The following UGT2A1 variants were observed in gnomAD, a reference collection of about 807,000 sequenced individuals.
UGT2A1 encodes UDP glucuronosyltransferase family 2 member A1 complex locus.
In UGT2A1, 61 loss-of-function variants were observed where a neutral mutation model predicts 45.4. That is an observed-to-expected ratio of 1.34 (90% CI 1.09 to 1.66). The LOEUF (loss-of-function observed/expected upper bound fraction) is 1.66. Among genes scored for constraint, UGT2A1 ranks in the 40% most tolerant of loss-of-function variants. The pLI is 0.00. For synonymous variants in UGT2A1, 229 were observed against 196.2 expected (o/e 1.17, Z -1.40); for missense variants, 649 against 574.3 (o/e 1.13, Z -1.33).
At chr4:69,647,797 T>G in intron 1 of UGT2A1, 99 bp from the exon 2 acceptor site, 1 of 510,492 alleles carries the variant, frequency 2.0e-6, no homozygotes, top group Middle Eastern at 4.3e-4. Flanking sequence ...ATACTAGTCA[T>G]AGTAGCTCCA....
intron 1 of UGT2A1, among the ~76,000 whole-genome samples, chr4:69,648,524 T>C (rs971267573): frequency 3.3e-5 from 5 of 152,076 alleles, no homozygotes; most frequent in East Asian, 3.9e-4. Context: ...GTCCTTGTTA[T>C]GTCAGACATT....
At chr4:69,595,016 C>T (rs998864929) in intron 5 of UGT2A1, 146 bp downstream of exon 5, 2 of 1,179,208 alleles carry the variant, frequency 1.7e-6, no homozygotes, top group Non-Finnish European at 1.2e-6. Flanking sequence ...AAATTAATGG[C>T]CAATTATGTA....
intron 3 of UGT2A1, among the ~76,000 whole-genome samples, chr4:69,613,988 G>A (rs913253215): frequency 5.3e-5 from 8 of 151,994 alleles, no homozygotes; most frequent in African/African-American, 1.2e-4. Flanking sequence ...GCAATTAGAC[G>A]AGTGAAAGAA....
At chr4:69,618,473 T>C (rs550786512) in intron 3 of UGT2A1, among the ~76,000 whole-genome samples, 1 of 152,020 alleles carries the variant, frequency 6.6e-6, no homozygotes, top group East Asian at 1.9e-4. Context: ...ACTTTGTTTA[T>C]TGAAAGGGTC....
rs1406970894 is a variant in UGT2A1, at chr4:69,647,127, A to C, written c.518T>G (p.Phe173Cys). The C allele has an allele frequency of 1.2e-6, 2 of 1,612,808 alleles. No individual in the cohort carries two copies. Among genetic ancestry groups the C allele is most frequent in the African/African-American group, 2.7e-5 (2 of 74,834 alleles). The change falls in exon 2 of 7, where the codon TTT becomes TGT. Residue 173 changes from phenylalanine to cysteine, a missense_variant. Phe to Cys is a radical substitution (Grantham distance 205, BLOSUM62 -2). Coordinates refer to ENST00000286604, the MANE Select transcript of UGT2A1 (RefSeq NM_001252275.3). ...CTTTTCCACTGTTGAGGCTGGAGAA[A>C]ACCTCAAGGAGTACATAAATGGAAT... Reference protein sequence around the residue: ...LGIPFMYSLRFSPASTVEKHC... With the variant: ...LGIPFMYSLRCSPASTVEKHC...
At position 69,639,663 on chromosome 4, in the gene UGT2A1, G is replaced by GA. The variant is rs751185474; in HGVS notation, c.716-3842dup. 162 of 1,504,456 alleles carry GA rather than the reference G, an allele frequency of 1.1e-4. 2 individuals carry two copies. Among genetic ancestry groups the GA allele is most frequent in the Admixed American group, 4.1e-4 (17 of 41,410 alleles). The allele number at this position is 1,504,456 out of a possible 1,614,324, so 93.2% of individuals were successfully genotyped here. On this transcript the variant is annotated intron_variant, in intron 2 of 6. Transcript: ENST00000286604. ...CATCCTACTGTAGATCCTTCAAGATGAAAAAAAAATCTTCAAAGTATATTT... is the reference window on the plus strand; with the variant it reads ...CATCCTACTGTAGATCCTTCAAGATGAAAAAAAAAATCTTCAAAGTATATTT...
At chr4:69,634,162 G>C (rs1037610047) in intron 3 of UGT2A1, among the ~76,000 whole-genome samples, 1 of 151,812 alleles carries the variant, frequency 6.6e-6, no homozygotes, top group Admixed American at 6.6e-5. Flanking sequence ...GGAGAATGGC[G>C]TGAACCCGGG....
chr4:69,652,019 C>T (rs1329660731), intron 1 of UGT2A1, among the ~76,000 whole-genome samples: 1 of 152,126 alleles, frequency 6.6e-6, no homozygotes, highest in Admixed American at 6.6e-5. Context: ...CCTTTCTTTC[C>T]TGTTCTAAAG....
At chr4:69,618,221 T>TGTG (rs1720530663) in intron 3 of UGT2A1, among the ~76,000 whole-genome samples, 4 of 144,632 alleles carry the variant, frequency 2.8e-5, no homozygotes, top group South Asian at 2.2e-4. Flanking sequence ...GTGTGTATGT[T>TGTG]TGTGTGTGTG....
intron 6 of UGT2A1, among the ~76,000 whole-genome samples, chr4:69,591,894 T>C (rs964741752): frequency 2.6e-5 from 4 of 152,206 alleles, no homozygotes; most frequent in African/African-American, 9.6e-5. Flanking sequence ...AAGATCATAC[T>C]GAGCCTTGCT....
intron 3 of UGT2A1, among the ~76,000 whole-genome samples, chr4:69,631,704 A>T (rs1181234264): frequency 6.6e-6 from 1 of 152,166 alleles, no homozygotes; most frequent in Non-Finnish European, 1.5e-5. Flanking sequence ...CCCAGCTGAC[A>T]ACCTGAAAAA....
In UGT2A1 at chr4:69,606,702, C is replaced by T; in HGVS notation, c.848-7308G>A. Among the ~76,000 whole-genome samples the T allele has an allele frequency of 1.5e-5, 2 of 136,824 alleles. 1 individual carries two copies. The highest frequency in any genetic ancestry group is 3.1e-5 in the Non-Finnish European group (2 of 64,328). The allele number at this position is 136,824 out of a possible 152,430, so 89.8% of individuals were successfully genotyped here. ...CGTCTCAGCCCAAAATCTCCTTAAG[C>T]TGATAAGCAACTTCAGCAAAGTCTC... On this transcript the variant is annotated intron_variant, in intron 3 of 6. Transcript: ENST00000286604.
At chr4:69,599,182 C>T in intron 4 of UGT2A1, 64 bp downstream of exon 4, 1 of 1,512,958 alleles carries the variant, frequency 6.6e-7, no homozygotes, top group South Asian at 1.3e-5. Context: ...AGGCTATAAA[C>T]TTTAAAAGAA....
chr4:69,631,031 C>T (rs921242908), intron 3 of UGT2A1, among the ~76,000 whole-genome samples: 4 of 152,044 alleles, frequency 2.6e-5, no homozygotes, highest in Non-Finnish European at 2.9e-5. Context: ...ATGAAATCAT[C>T]GACATAAGCT....
rs1458382070 is a variant in UGT2A1 at position 69,588,963 on chromosome 4, G to A, written c.*409C>T. On this transcript the variant is annotated 3_prime_UTR_variant, in exon 7 of 7. Coordinates refer to ENST00000286604, the MANE Select transcript of UGT2A1 (RefSeq NM_001252275.3). ...ATTTGTTTGGTATATGGAAATTTGT[G>A]AATTTGACTCTTCCTTACACCTATC... is the stretch of plus-strand genomic sequence containing the variant. The A allele has an allele frequency of 6.5e-6, 1 of 154,328 alleles. No homozygotes were observed. The highest frequency in any genetic ancestry group is 1.9e-4 in the East Asian group (1 of 5,234). 9.6% of individuals were successfully genotyped at this position (154,328 alleles called of 1,614,324 possible). A position where few individuals can be genotyped will look rare whatever the true frequency, so the allele number is the denominator to read the frequency against.
In UGT2A1 at chr4:69,647,153, T is replaced by C. The variant is rs1315694077; in HGVS notation, c.492A>G (p.Gly164=). 4.3e-6 allele frequency: 7 copies of C among 1,612,902 alleles called. No homozygotes were observed. Among genetic ancestry groups the C allele is most frequent in the Middle Eastern group, 3.3e-4 (2 of 6,076 alleles). The change falls in exon 2 of 7, where the codon GGA becomes GGG. Residue 164 remains glycine, a synonymous_variant. Transcript: ENST00000286604. ...ACCTCAAGGAGTACATAAATGGAAT[T>C]CCAAGTTTTAAAGCTACTATATCGC... ...PCGDIVALKL[G]IPFMYSLRFS... is the part of the protein sequence containing the mutation.
At chr4:69,634,802 A>G (rs983600984) in intron 3 of UGT2A1, among the ~76,000 whole-genome samples, 25 of 152,332 alleles carry the variant, frequency 1.6e-4, no homozygotes, top group Non-Finnish European at 2.9e-4. Context: ...AGCCTACAGC[A>G]AACATCACCC....
chr4:69,639,518 A>T (rs1367054812), intron 2 of UGT2A1: 10 of 1,613,340 alleles, frequency 6.2e-6, no homozygotes, highest in Non-Finnish European at 8.5e-6. Flanking sequence ...TATTTAACCA[A>T]TGGCTACCAT....
At chr4:69,645,035 C>A (rs1368674900) in intron 2 of UGT2A1, among the ~76,000 whole-genome samples, 1 of 151,704 alleles carries the variant, frequency 6.6e-6, no homozygotes, top group Non-Finnish European at 1.5e-5. Context: ...ACTTCGTCAT[C>A]TTTAAATTAT....
Sources: gnomAD v4.1 joint callset for allele counts (sites outside exome capture counted in the v4.1 genomes callset) on GRCh38, gnomAD v4.1.1 for gene constraint, MANE v1.5 for transcripts, NCBI Gene and HGNC (gene_info 2026-07-23, HGNC 2026-07-21) for gene names.